SCEL: variants seen among roughly 807,000 people sequenced by gnomAD.
SCEL encodes the protein sciellin.
SCEL carries 113 observed loss-of-function variants against 117.6 expected under a neutral mutation model. The observed-to-expected ratio is 0.96, with a 90% confidence interval of 0.83 to 1.12. SCEL has a LOEUF of 1.12. Ranked by LOEUF, SCEL falls within the 50% of genes most tolerant of loss-of-function variation. SCEL has a pLI of 0.00. For synonymous variants in SCEL, 270 were observed against 256.2 expected (o/e 1.05, Z -0.51); for missense variants, 785 against 810.8 (o/e 0.97, Z 0.39).
chr13:77,602,723 G>A lies in SCEL; in HGVS notation c.1037+10G>A. ...ATAAAACGAGCAGAAGGTGAGAACT[G>A]AACAGATGTCTCTAAATATTGGTTA... On this transcript the variant is annotated intron_variant, in intron 17 of 32. Coordinates refer to ENST00000349847, the MANE Select transcript of SCEL (RefSeq NM_144777.3). The A allele has an allele frequency of 1.9e-6, 3 of 1,608,640 alleles. No individual in the cohort carries two copies. Among genetic ancestry groups the A allele is most frequent in the East Asian group, 4.5e-5 (2 of 44,784 alleles).
chr13:77,609,216 C>A, intron 21 of SCEL, 99 bp downstream of exon 21: 3 of 1,017,710 alleles, frequency 2.9e-6, no homozygotes, highest in African/African-American at 1.7e-5. Flanking sequence ...ACCCAATGAT[C>A]CTTCAAGAAA....
At chr13:77,605,569 C>T (rs933879500) in intron 19 of SCEL, among the ~76,000 whole-genome samples, 1 of 152,154 alleles carries the variant, frequency 6.6e-6, no homozygotes, top group Non-Finnish European at 1.5e-5. Flanking sequence ...ATAAGATTCT[C>T]ATGCCGGGCA....
chr13:77,640,508 A>G (rs2090506846), intron 30 of SCEL, among the ~76,000 whole-genome samples, 168 bp from the exon 31 acceptor site: 2 of 152,190 alleles, frequency 1.3e-5, no homozygotes, highest in Admixed American at 6.5e-5. Context: ...CTAGAAGTCA[A>G]TTATATTACT....
chr13:77,642,139 A>G (rs1167328476), intron 31 of SCEL, among the ~76,000 whole-genome samples: 1 of 152,164 alleles, frequency 6.6e-6, no homozygotes, highest in Non-Finnish European at 1.5e-5. Context: ...GAGAATAAAA[A>G]CAAACATGTT....
intron 9 of SCEL, among the ~76,000 whole-genome samples, chr13:77,577,550 G>A (rs2086018608): frequency 6.6e-6 from 1 of 152,176 alleles, no homozygotes; most frequent in African/African-American, 2.4e-5. Context: ...ACAATTCGAG[G>A]TGGGATTTGG....
chr13:77,540,519 C>A (rs953625526), intron 1 of SCEL, among the ~76,000 whole-genome samples: 2 of 152,056 alleles, frequency 1.3e-5, no homozygotes, highest in Non-Finnish European at 2.9e-5. Flanking sequence ...CAGAGTGATT[C>A]CTGGAGGATA....
chr13:77,561,170 T>G (rs2084956109), intron 4 of SCEL, among the ~76,000 whole-genome samples: 1 of 152,208 alleles, frequency 6.6e-6, no homozygotes, highest in African/African-American at 2.4e-5. Flanking sequence ...AGGCTCACCA[T>G]TTGAGTCCAG....
intron 27 of SCEL, among the ~76,000 whole-genome samples, chr13:77,625,754 T>A (rs777178161): frequency 2.6e-5 from 4 of 152,224 alleles, no homozygotes; most frequent in Non-Finnish European, 5.9e-5. Context: ...CATTTTATCA[T>A]ATTTTGCATC....
intron 27 of SCEL, 137 bp downstream of exon 27, chr13:77,618,197 C>G: frequency 2.8e-6 from 2 of 715,298 alleles, no homozygotes; most frequent in Non-Finnish European, 5.0e-6. Context: ...TTCTTTCCTT[C>G]CTTCCTTCCA....
chr13:77,543,586 T>C (rs1268951997), intron 1 of SCEL, among the ~76,000 whole-genome samples: 1 of 152,234 alleles, frequency 6.6e-6, no homozygotes, highest in Non-Finnish European at 1.5e-5. Flanking sequence ...AAAGAAAGTC[T>C]GCTCCAATTC....
chr13:77,608,206 G>T, intron 20 of SCEL, 91 bp downstream of exon 20: 1 of 963,074 alleles, frequency 1.0e-6, no homozygotes, highest in Non-Finnish European at 1.6e-6. Flanking sequence ...CTTTGGATTG[G>T]GATCAGAAAG....
At chr13:77,585,367 A>C (rs1386215063) in intron 9 of SCEL, among the ~76,000 whole-genome samples, 1 of 152,152 alleles carries the variant, frequency 6.6e-6, no homozygotes, top group Non-Finnish European at 1.5e-5. Flanking sequence ...TTCCAGGTGA[A>C]GGGAAGAAGG....
At position 77,617,794 on chromosome 13, in the gene SCEL, G is replaced by T. The variant is rs1242240671; in HGVS notation, c.1512-9G>T. The T allele has an allele frequency of 1.9e-6, 3 of 1,602,320 alleles. No homozygotes were observed. Among genetic ancestry groups the T allele is most frequent in the South Asian group, 2.2e-5 (2 of 89,344 alleles). On this transcript the variant is annotated splice_polypyrimidine_tract_variant and intron_variant, in intron 25 of 32. Transcript: ENST00000349847. ...TTAACCTGCTCTCATTTTATTTTTT[G>T]ATTTAAAGAAACCAAGATCTTGCTA... is the stretch of plus-strand genomic sequence containing the variant.
At chr13:77,591,915 G>T (rs139173044) in intron 11 of SCEL, among the ~76,000 whole-genome samples, 10 of 152,170 alleles carry the variant, frequency 6.6e-5, no homozygotes, top group Non-Finnish European at 1.2e-4. Context: ...GGGTAAGGTG[G>T]CATTCCCCAA....
rs927576765 is a variant in SCEL at position 77,617,846 on chromosome 13, A to G, written c.1555A>G (p.Ile519Val). Residue 519 changes from isoleucine to valine, a missense_variant, in exon 26 of 33, where the codon ATC becomes GTC. Transcript: ENST00000349847. The part of the protein sequence containing the change: ...ANLIKVNPAV[I>V]RNNQSQDLDN... ...CCTCATCAAAGTAAATCCTGCAGTA[A>G]TCAGAAACAATCAGAGGTATATATA... The G allele has an allele frequency of 3.1e-6, 5 of 1,610,216 alleles. No homozygotes were observed. The highest frequency in any genetic ancestry group is 2.7e-5 in the African/African-American group (2 of 74,828).
At position 77,556,665 on chromosome 13, in the gene SCEL, C is replaced by T. The variant is rs1455426920; in HGVS notation, c.113C>T (p.Thr38Ile). The change falls in exon 3 of 33, where the codon ACT becomes ATT. Residue 38 changes from threonine to isoleucine, a missense_variant. By Grantham distance (89) the Thr-to-Ile change is moderately conservative (BLOSUM62 -1). Coordinates refer to ENST00000349847, the MANE Select transcript of SCEL (RefSeq NM_144777.3). Reference protein sequence around the residue: ...QDFHEVNKRRTFLQDNSWIKK... With the variant: ...QDFHEVNKRRIFLQDNSWIKK... ...TTTCACGAGGTGAACAAAAGAAGAA[C>T]TTTCTTACAGGATAACAGTTGGATA... 1 of 1,614,054 alleles carries T rather than the reference C, an allele frequency of 6.2e-7. No homozygotes were observed. The highest frequency in any genetic ancestry group is 1.1e-5 in the South Asian group (1 of 91,086).
At position 77,644,487 on chromosome 13, in the gene SCEL, T is replaced by A. The variant is rs971715726; in HGVS notation, c.*213T>A. 36 of 521,698 alleles carry A rather than the reference T, an allele frequency of 6.9e-5. No individual in the cohort carries two copies. Among genetic ancestry groups the A allele is most frequent in the Non-Finnish European group, 7.1e-5 (21 of 294,668 alleles). The allele number at this position is 521,698 out of a possible 1,614,324, so 32.3% of individuals were successfully genotyped here. A position where few individuals can be genotyped will look rare whatever the true frequency, so the allele number is the denominator to read the frequency against. ...TCTGGTCTCTGGCTAGAGTTAGCAA[T>A]AAAAAGTTCAAATGGTTCCAGATTC... is the stretch of plus-strand genomic sequence containing the variant. On this transcript the variant is annotated 3_prime_UTR_variant, in exon 33 of 33. Coordinates refer to ENST00000349847, the MANE Select transcript of SCEL (RefSeq NM_144777.3).
chr13:77,638,152 G>A (rs1308929831), intron 30 of SCEL, among the ~76,000 whole-genome samples: 1 of 152,026 alleles, frequency 6.6e-6, no homozygotes, highest in East Asian at 1.9e-4. Context: ...TACCTAATGT[G>A]TACTCAGTAA....
intron 9 of SCEL, among the ~76,000 whole-genome samples, chr13:77,580,661 CAGTA>C (rs1249794202): frequency 2.6e-5 from 4 of 152,034 alleles, no homozygotes; most frequent in African/African-American, 9.7e-5. Context: ...GCTTAACAGA[CAGTA>C]TGAATATTTA....
Sources: gnomAD v4.1 joint callset for allele counts (sites outside exome capture counted in the v4.1 genomes callset) on GRCh38, gnomAD v4.1.1 for gene constraint, MANE v1.5 for transcripts, NCBI Gene and HGNC (gene_info 2026-07-23, HGNC 2026-07-21) for gene names.